TFG: variants seen among roughly 807,000 people sequenced by gnomAD.
The protein encoded by TFG is protein TFG.
In TFG, 22 loss-of-function variants were observed where a neutral mutation model predicts 51.4. That is an observed-to-expected ratio of 0.43 (90% confidence interval 0.31 to 0.61). TFG has a LOEUF of 0.61. TFG is among the 20% of genes least tolerant of loss of function. The pLI is 0.12. For synonymous variants in TFG, 187 were observed against 165.6 expected (o/e 1.13, Z -0.99); for missense variants, 419 against 487.7 (o/e 0.86, Z 1.33).
chr3:100,745,023 T>C (rs2095131320), intron 7 of TFG, 92 bp downstream of exon 7: 3 of 628,568 alleles, frequency 4.8e-6, no homozygotes. Flanking sequence ...TGTAGTACAT[T>C]GATATAATAG....
At chr3:100,722,892 A>C (rs948708509) in intron 3 of TFG, among the ~76,000 whole-genome samples, 6 of 152,242 alleles carry the variant, frequency 3.9e-5, no homozygotes, top group Non-Finnish European at 5.9e-5. Context: ...AATTTAGTCC[A>C]GAAGGTGGTG....
In TFG at chr3:100,748,684, G is replaced by T; in HGVS notation, c.*153G>T. 1.1e-6 allele frequency: 1 copy of T among 922,346 alleles called. No individual in the cohort carries two copies. Among genetic ancestry groups the T allele is most frequent in the Non-Finnish European group, 1.5e-6 (1 of 655,144 alleles). 57.1% of individuals were successfully genotyped at this position (922,346 alleles called of 1,614,324 possible). A position where few individuals can be genotyped will look rare whatever the true frequency, so the allele number is the denominator to read the frequency against. ...TTGGTGTTAATTGAAAGTATAATTT[G>T]CTGGAACACAAAGACCAAAATGAAA... On this transcript the variant is annotated 3_prime_UTR_variant, in exon 8 of 8. Transcript: ENST00000240851.
At chr3:100,739,138 C>CT (rs2149090386) in intron 6 of TFG, among the ~76,000 whole-genome samples, 2 of 152,204 alleles carry the variant, frequency 1.3e-5, no homozygotes, top group South Asian at 4.1e-4. Flanking sequence ...TATAATGAGT[C>CT]TTTGACATTG....
chr3:100,711,807 C>G (rs2149054999), intron 1 of TFG, among the ~76,000 whole-genome samples: 1 of 152,162 alleles, frequency 6.6e-6, no homozygotes, highest in East Asian at 1.9e-4. Flanking sequence ...CCAGAGCAAG[C>G]AAGATGGAAT....
intron 6 of TFG, among the ~76,000 whole-genome samples, chr3:100,740,256 A>G (rs2095117788): frequency 6.6e-6 from 1 of 152,160 alleles, no homozygotes; most frequent in Non-Finnish European, 1.5e-5. Context: ...ATATCCCGGA[A>G]TGGTTTAGCT....
At chr3:100,712,380 A>G (rs1260202847) in intron 1 of TFG, among the ~76,000 whole-genome samples, 2 of 152,226 alleles carry the variant, frequency 1.3e-5, no homozygotes, top group Admixed American at 6.5e-5. Context: ...TAATGAAATA[A>G]CAGATTTAAG....
intron 6 of TFG, chr3:100,742,328 A>G (rs2095123467): frequency 6.6e-6 from 1 of 152,232 alleles, no homozygotes; most frequent in South Asian, 2.1e-4. Flanking sequence ...GAGTTCCTAC[A>G]GCATATCTCT....
At chr3:100,734,612 GT>G (rs2095101564) in intron 5 of TFG, among the ~76,000 whole-genome samples, 1 of 151,996 alleles carries the variant, frequency 6.6e-6, no homozygotes, top group African/African-American at 2.4e-5. Flanking sequence ...AGTTTCTTTT[GT>G]TTTGTTCATG....
intron 6 of TFG, among the ~76,000 whole-genome samples, chr3:100,738,444 G>C (rs2095112602): frequency 6.6e-6 from 1 of 152,312 alleles, no homozygotes; most frequent in Admixed American, 6.5e-5. Context: ...AATGTTTGCT[G>C]TTTATGTATA....
At chr3:100,732,146 A>T (rs555894087) in intron 4 of TFG, among the ~76,000 whole-genome samples, 125 of 152,212 alleles carry the variant, frequency 8.2e-4, no homozygotes, top group Non-Finnish European at 1.2e-3. Flanking sequence ...CAGAGTGCCC[A>T]GTGGGTATCT....
At chr3:100,732,143 C>T (rs1004434752) in intron 4 of TFG, among the ~76,000 whole-genome samples, 4 of 151,830 alleles carry the variant, frequency 2.6e-5, no homozygotes, top group African/African-American at 9.7e-5. Flanking sequence ...TTCCAGAGTG[C>T]CCAGTGGGTA....
At chr3:100,713,922 AAAGAC>A (rs1235997947) in intron 2 of TFG, 53 bp downstream of exon 2, 192 of 1,238,416 alleles carry the variant, frequency 1.6e-4, no homozygotes, top group South Asian at 1.5e-3. Context: ...AAAAAAAAAA[AAAGAC>A]AGAGCCTCTG....
At chr3:100,738,568 TTCTC>T (rs1351154752) in intron 6 of TFG, among the ~76,000 whole-genome samples, 1 of 152,174 alleles carries the variant, frequency 6.6e-6, no homozygotes, top group Non-Finnish European at 1.5e-5. Flanking sequence ...ACAGTGAAAA[TTCTC>T]TCTCCCACCT....
At position 100,713,889 on chromosome 3, in the gene TFG, T is replaced by G. The variant is rs2095037868; in HGVS notation, c.184+20T>G. The stretch of plus-strand genomic sequence containing the variant: ...ATGAAGGTAAGAGTGTTTTTAAAGC[T>G]ATTTTTTAAAGTCTTTTTAAAAAAA... On this transcript the variant is annotated intron_variant, in intron 2 of 7. Coordinates refer to ENST00000240851, the MANE Select transcript of TFG (RefSeq NM_006070.6). 1 of 1,272,370 alleles carries G rather than the reference T, an allele frequency of 7.9e-7. No individual in the cohort carries two copies. The highest frequency in any genetic ancestry group is 1.1e-6 in the Non-Finnish European group (1 of 938,882). The allele number at this position is 1,272,370 out of a possible 1,614,324, so 78.8% of individuals were successfully genotyped here. A position where few individuals can be genotyped will look rare whatever the true frequency, so the allele number is the denominator to read the frequency against.
Position 100,748,314 on chromosome 3 carries a change from A to C in TFG, c.986A>C (p.Tyr329Ser), listed in dbSNP as rs1319196084. 6 of 1,613,986 alleles carry C rather than the reference A, an allele frequency of 3.7e-6. No individual in the cohort carries two copies. The highest frequency in any genetic ancestry group is 1.1e-5 in the South Asian group (1 of 91,074). Residue 329 changes from tyrosine (Y) to serine (S), a missense_variant, in exon 8 of 8, where the codon TAC becomes TCC. By Grantham distance (144) the Tyr-to-Ser change is moderately radical (BLOSUM62 -2). This residue lies in a region of TFG where 391 missense variants were observed against 434.4 expected (regional missense o/e 0.90). Coordinates refer to ENST00000240851, the MANE Select transcript of TFG (RefSeq NM_006070.6). Reference protein sequence around the residue: ...YQASNYPAQTYTAQTSQPTNY... With the variant: ...YQASNYPAQTSTAQTSQPTNY... ...GCGAGCAATTATCCTGCACAAACTT[A>C]CACTGCCCAAACTTCTCAGCCTACT...
chr3:100,744,632 G>A (rs1036863801), intron 6 of TFG: 7 of 411,312 alleles, frequency 1.7e-5, no homozygotes, highest in Non-Finnish European at 3.1e-5. Flanking sequence ...TTAGTTCTCT[G>A]CAGTTAATCC....
At chr3:100,711,996 A>G (rs1007188638) in intron 1 of TFG, among the ~76,000 whole-genome samples, 5 of 152,246 alleles carry the variant, frequency 3.3e-5, no homozygotes, top group Non-Finnish European at 7.3e-5. Flanking sequence ...ACTGGCAGAT[A>G]AAAAGCTAAC....
Position 100,724,035 on chromosome 3 carries a change from A to G in TFG, c.268+3977A>G, listed in dbSNP as rs548749561. On this transcript the variant is annotated intron_variant, in intron 3 of 7. Coordinates refer to ENST00000240851, the MANE Select transcript of TFG (RefSeq NM_006070.6). ...ATGGTTTTAAATAAGTCAAAGAAGA[A>G]ATAATAATGGGAATTATAAATAAGT... Among the ~76,000 whole-genome samples the G allele has an allele frequency of 1.1e-3, 174 of 152,288 alleles. 1 individual carries two copies. Among genetic ancestry groups the G allele is most frequent in the Middle Eastern group, 3.4e-3 (1 of 294 alleles).
At chr3:100,736,164 G>T (rs980391958) in intron 5 of TFG, among the ~76,000 whole-genome samples, 1 of 152,100 alleles carries the variant, frequency 6.6e-6, no homozygotes, top group East Asian at 1.9e-4. Context: ...GAAATTGTGA[G>T]AAATAATGTT....
Sources: gnomAD v4.1 joint callset for allele counts (sites outside exome capture counted in the v4.1 genomes callset) on GRCh38, gnomAD v4.1.1 for gene constraint, gnomAD v4.1.1 regional missense constraint, MANE v1.5 for transcripts, NCBI Gene and HGNC (gene_info 2026-07-23, HGNC 2026-07-21) for gene names.